The following LDHAL6B variants were observed in gnomAD, a reference collection of about 807,000 sequenced individuals.
LDHAL6B encodes the protein L-lactate dehydrogenase A-like 6B.
For synonymous variants in LDHAL6B, 205 were observed against 170.6 expected (o/e 1.20, Z -1.57); for missense variants, 523 against 473.9 (o/e 1.10, Z -0.96).
chr15:59,207,762 G>T lies in LDHAL6B; in HGVS notation c.822G>T (p.Glu274Asp). ...ATATAGGAACTGATAAAGATCCTGA[G>T]CAATGGAAAAATGTCCACAAAGAAG... is the stretch of plus-strand genomic sequence containing the variant. The part of the protein sequence containing the change: ...NSDIGTDKDP[E>D]QWKNVHKEVT... The change falls in exon 1 of 1, where the codon GAG (glutamate) becomes GAT (aspartate). Residue 274 changes from glutamate (E) to aspartate (D), a missense_variant. Coordinates refer to ENST00000307144, the MANE Select transcript of LDHAL6B (RefSeq NM_033195.3). The T allele has an allele frequency of 1.9e-6, 3 of 1,614,168 alleles. No homozygotes were observed. Among genetic ancestry groups the T allele is most frequent in the Non-Finnish European group, 1.7e-6 (2 of 1,180,044 alleles).
rs752961563 is a variant in LDHAL6B, at chr15:59,206,900, C to G, written c.-41C>G. 2 of 1,580,676 alleles carry G rather than the reference C, an allele frequency of 1.3e-6. No homozygotes were observed. The highest frequency in any genetic ancestry group is 1.3e-5 in the African/African-American group (1 of 74,166). ...GGCGTCTCAACGTTCGGATCAGCAG[C>G]TTTTTTCCATTCTCTCTCTCCACTT... is the stretch of plus-strand genomic sequence containing the variant. On this transcript the variant is annotated 5_prime_UTR_variant, in exon 1 of 1. Coordinates refer to ENST00000307144, the MANE Select transcript of LDHAL6B (RefSeq NM_033195.3).
rs1159837536 is a variant in LDHAL6B at position 59,208,040 on chromosome 15, A to G, written c.1100A>G (p.Lys367Arg). 5.0e-6 allele frequency: 8 copies of G among 1,589,148 alleles called. No individual in the cohort carries two copies. The Admixed American group carries it at 1.5e-4, about 31-fold the overall frequency. The stretch of plus-strand genomic sequence containing the variant: ...CCTGAAGAAGAGGCCCATCTGAAAA[A>G]AAGTGCAAAAACACTCTGGGAAATT... ...LTPEEEAHLK[K>R]SAKTLWEIQN... The change falls in exon 1 of 1, where the codon AAA (lysine) becomes AGA (arginine). Residue 367 changes from lysine to arginine, a missense_variant. Coordinates refer to ENST00000307144, the MANE Select transcript of LDHAL6B (RefSeq NM_033195.3).
rs2079852284 is a variant in LDHAL6B at position 59,208,069 on chromosome 15, A to C, written c.1129A>C (p.Asn377His). 1.9e-6 allele frequency: 3 copies of C among 1,582,250 alleles called. No homozygotes were observed. The highest frequency in any genetic ancestry group is 2.2e-5 in the East Asian group (1 of 44,756). The change falls in exon 1 of 1, where the codon AAT becomes CAT. Residue 377 changes from asparagine (N) to histidine (H), a missense_variant. Coordinates refer to ENST00000307144, the MANE Select transcript of LDHAL6B (RefSeq NM_033195.3). The part of the protein sequence containing the change: ...KSAKTLWEIQ[N>H]KLKL ...TGCAAAAACACTCTGGGAAATTCAG[A>C]ATAAGCTTAAGCTTTAAAGTTGCCT...
Position 59,207,733 on chromosome 15 carries a change from T to G in LDHAL6B, c.793T>G (p.Ser265Ala). Residue 265 changes from serine to alanine, a missense_variant, in exon 1 of 1, where the codon TCT becomes GCT. Transcript: ENST00000307144. The stretch of plus-strand genomic sequence containing the variant: ...TGGTGTCCCTTTGAAGGATCTGAAC[T>G]CTGATATAGGAACTGATAAAGATCC... Reference protein sequence around the residue: ...IAGVPLKDLNSDIGTDKDPEQ... With the variant: ...IAGVPLKDLNADIGTDKDPEQ... 6.2e-7 allele frequency: 1 copy of G among 1,614,122 alleles called. No homozygotes were observed.
chr15:59,207,962 C>T lies in LDHAL6B; in HGVS notation c.1022C>T (p.Pro341Leu), dbSNP rs1243786900. 5.0e-6 allele frequency: 8 copies of T among 1,613,884 alleles called. No individual in the cohort carries two copies. Among genetic ancestry groups the T allele is most frequent in the Non-Finnish European group, 6.8e-6 (8 of 1,179,960 alleles). The change falls in exon 1 of 1, where the codon CCT (proline) becomes CTT (leucine). Residue 341 changes from proline (P) to leucine (L), a missense_variant. Pro to Leu is a moderately conservative substitution (Grantham distance 98). Transcript: ENST00000307144. The stretch of plus-strand genomic sequence containing the variant: ...GATGAAGAAGTATTCCTCAGTATTC[C>T]TTGTATCCTGGGAGAGAACGGTATT... ...GIDEEVFLSI[P>L]CILGENGITN...
chr15:59,207,214 G>T lies in LDHAL6B; in HGVS notation c.274G>T (p.Gly92Cys), dbSNP rs770297477. 2.5e-6 allele frequency: 4 copies of T among 1,614,110 alleles called. No individual in the cohort carries two copies. The African/African-American group carries it at 5.3e-5, about 22-fold the overall frequency. The change falls in exon 1 of 1, where the codon GGC becomes TGC. Residue 92 changes from glycine to cysteine, a missense_variant. Transcript: ENST00000307144. ...MACAISILLK[G>C]LSDELALVDL... The stretch of plus-strand genomic sequence containing the variant: ...CTGCGCTATCAGCATCTTATTAAAA[G>T]GCTTGAGTGATGAACTTGCCCTTGT...
In LDHAL6B at chr15:59,207,555, C is replaced by T. The variant is rs1223210228; in HGVS notation, c.615C>T (p.Asn205=). 3 of 1,614,060 alleles carry T rather than the reference C, an allele frequency of 1.9e-6. No individual in the cohort carries two copies. The highest frequency in any genetic ancestry group is 2.7e-5 in the African/African-American group (2 of 75,026). ...VAWKLSAFPK[N]RIIGSGCNLD... ...GGAAGTTGAGTGCATTTCCCAAAAA[C>T]CGTATTATTGGAAGCGGCTGTAATC... is the stretch of plus-strand genomic sequence containing the variant. The change falls in exon 1 of 1, where the codon AAC becomes AAT. Residue 205 remains asparagine (N), a synonymous_variant. Transcript: ENST00000307144.
chr15:59,206,885 C>A lies in LDHAL6B; in HGVS notation c.-56C>A, dbSNP rs539162667. On this transcript the variant is annotated 5_prime_UTR_variant, in exon 1 of 1. Coordinates refer to ENST00000307144, the MANE Select transcript of LDHAL6B (RefSeq NM_033195.3). ...GCCAACGGCTCTCTTGGCGTCTCAA[C>A]GTTCGGATCAGCAGCTTTTTTCCAT... 19 of 1,540,896 alleles carry A rather than the reference C, an allele frequency of 1.2e-5. No homozygotes were observed. The highest frequency in any genetic ancestry group is 3.8e-5 in the Admixed American group (2 of 52,232).
chr15:59,207,050 C>A lies in LDHAL6B; in HGVS notation c.110C>A (p.Pro37Gln), dbSNP rs764963308. 18 of 1,614,246 alleles carry A rather than the reference C, an allele frequency of 1.1e-5. No homozygotes were observed. The highest frequency in any genetic ancestry group is 1.4e-5 in the Non-Finnish European group (17 of 1,180,032). The change falls in exon 1 of 1, where the codon CCG becomes CAG. Residue 37 changes from proline (P) to glutamine (Q), a missense_variant. By Grantham distance (76) the Pro-to-Gln change is moderately conservative. Transcript: ENST00000307144. ...TGTCCGCGTCAAGCAACGCGCATCCCGCTCAACGGCACCTGGCTCTTCACC... is the reference window on the plus strand; with the variant it reads ...TGTCCGCGTCAAGCAACGCGCATCCAGCTCAACGGCACCTGGCTCTTCACC... Reference protein sequence around the residue: ...ALCPRQATRIPLNGTWLFTPV... With the variant: ...ALCPRQATRIQLNGTWLFTPV...
chr15:59,208,277 C>T lies in LDHAL6B; in HGVS notation c.*191C>T, dbSNP rs1316217814. 3.3e-6 allele frequency: 2 copies of T among 598,960 alleles called. No individual in the cohort carries two copies. Among genetic ancestry groups the T allele is most frequent in the Non-Finnish European group, 5.8e-6 (2 of 347,028 alleles). 37.1% of individuals were successfully genotyped at this position (598,960 alleles called of 1,614,324 possible). Reference sequence around the variant, plus strand: ...TGCTGGACGATACTTATTTACAATTCCTAAGTATTTTTGGTACCTCTGATG... The same window carrying T: ...TGCTGGACGATACTTATTTACAATTTCTAAGTATTTTTGGTACCTCTGATG... On this transcript the variant is annotated 3_prime_UTR_variant, in exon 1 of 1. Coordinates refer to ENST00000307144, the MANE Select transcript of LDHAL6B (RefSeq NM_033195.3).
At position 59,207,111 on chromosome 15, in the gene LDHAL6B, T is replaced by G. The variant is rs762255683; in HGVS notation, c.171T>G (p.Leu57=). The G allele has an allele frequency of 5.6e-6, 9 of 1,614,204 alleles. No individual in the cohort carries two copies. Among genetic ancestry groups the G allele is most frequent in the South Asian group, 1.1e-5 (1 of 91,080 alleles). Residue 57 remains leucine, a synonymous_variant, in exon 1 of 1, where the codon CTT becomes CTG. Transcript: ENST00000307144. The part of the protein sequence containing the change: ...VSKMATVKSE[L]IERFTSEKPV... ...AGATGGCGACTGTGAAGAGTGAGCT[T>G]ATTGAGCGTTTCACTTCCGAGAAGC...
Position 59,207,984 on chromosome 15 carries a change from T to C in LDHAL6B, c.1044T>C (p.Gly348=). The C allele has an allele frequency of 4.3e-6, 7 of 1,614,004 alleles. No homozygotes were observed. The highest frequency in any genetic ancestry group is 5.9e-6 in the Non-Finnish European group (7 of 1,179,986). The part of the protein sequence containing the change: ...LSIPCILGEN[G]ITNLIKIKLT... ...TTCCTTGTATCCTGGGAGAGAACGGTATTACCAACCTTATAAAGATAAAGC... is the reference window on the plus strand; with the variant it reads ...TTCCTTGTATCCTGGGAGAGAACGGCATTACCAACCTTATAAAGATAAAGC... Residue 348 remains glycine, a synonymous_variant, in exon 1 of 1, where the codon GGT becomes GGC. Coordinates refer to ENST00000307144, the MANE Select transcript of LDHAL6B (RefSeq NM_033195.3).
Position 59,207,199 on chromosome 15 carries a change from A to G in LDHAL6B, c.259A>G (p.Ser87Gly). The G allele has an allele frequency of 6.2e-7, 1 of 1,614,238 alleles. No individual in the cohort carries two copies. Among genetic ancestry groups the G allele is most frequent in the Non-Finnish European group, 8.5e-7 (1 of 1,180,042 alleles). Residue 87 changes from serine to glycine, a missense_variant, in exon 1 of 1, where the codon AGC (serine) becomes GGC (glycine). Physicochemically the swap from Ser to Gly is moderately conservative, Grantham distance 56 (BLOSUM62 0). Coordinates refer to ENST00000307144, the MANE Select transcript of LDHAL6B (RefSeq NM_033195.3). ...TGSVGMACAI[S>G]ILLKGLSDEL... Reference sequence around the variant, plus strand: ...ATCGGTGGGCATGGCCTGCGCTATCAGCATCTTATTAAAAGGCTTGAGTGA... The same window carrying G: ...ATCGGTGGGCATGGCCTGCGCTATCGGCATCTTATTAAAAGGCTTGAGTGA...
At position 59,207,695 on chromosome 15, in the gene LDHAL6B, G is replaced by C. The variant is rs769974621; in HGVS notation, c.755G>C (p.Gly252Ala). ...HGDSSVPVWS[G>A]VNIAGVPLKD... ...GACTCAAGTGTTCCTGTGTGGAGTGGAGTGAACATAGCTGGTGTCCCTTTG... is the reference window on the plus strand; with the variant it reads ...GACTCAAGTGTTCCTGTGTGGAGTGCAGTGAACATAGCTGGTGTCCCTTTG... The change falls in exon 1 of 1, where the codon GGA becomes GCA. Residue 252 changes from glycine (G) to alanine (A), a missense_variant. Coordinates refer to ENST00000307144, the MANE Select transcript of LDHAL6B (RefSeq NM_033195.3). 7 of 1,614,060 alleles carry C rather than the reference G, an allele frequency of 4.3e-6. No individual in the cohort carries two copies. The highest frequency in any genetic ancestry group is 5.9e-6 in the Non-Finnish European group (7 of 1,180,028).
rs754378784 is a variant in LDHAL6B at position 59,207,403 on chromosome 15, C to G, written c.463C>G (p.Arg155Gly). Residue 155 changes from arginine to glycine, a missense_variant, in exon 1 of 1, where the codon CGC becomes GGC. Arg to Gly is a moderately radical substitution (Grantham distance 125). Coordinates refer to ENST00000307144, the MANE Select transcript of LDHAL6B (RefSeq NM_033195.3). The part of the protein sequence containing the change: ...AGARQEKGET[R>G]LNLVQRNVAI... ...TGCACGCCAAGAAAAGGGAGAAACGCGCCTTAATTTAGTCCAGCGAAATGT... is the reference window on the plus strand; with the variant it reads ...TGCACGCCAAGAAAAGGGAGAAACGGGCCTTAATTTAGTCCAGCGAAATGT... The G allele has an allele frequency of 1.9e-6, 3 of 1,614,012 alleles. No homozygotes were observed. The highest frequency in any genetic ancestry group is 1.7e-5 in the Admixed American group (1 of 60,018).
Position 59,208,260 on chromosome 15 carries a change from G to A in LDHAL6B, c.*174G>A, listed in dbSNP as rs111978924. 12 of 621,074 alleles carry A rather than the reference G, an allele frequency of 1.9e-5. No individual in the cohort carries two copies. The highest frequency in any genetic ancestry group is 3.7e-5 in the African/African-American group (2 of 53,580). The allele number at this position is 621,074 out of a possible 1,614,324, so 38.5% of individuals were successfully genotyped here. ...TTTATTGAGCATCCACGTGCTGGAC[G>A]ATACTTATTTACAATTCCTAAGTAT... is the stretch of plus-strand genomic sequence containing the variant. On this transcript the variant is annotated 3_prime_UTR_variant, in exon 1 of 1. Transcript: ENST00000307144.
chr15:59,207,781 A>C lies in LDHAL6B; in HGVS notation c.841A>C (p.Lys281Gln), dbSNP rs1451624803. 9.9e-6 allele frequency: 16 copies of C among 1,614,248 alleles called. No individual in the cohort carries two copies. Among genetic ancestry groups the C allele is most frequent in the Non-Finnish European group, 1.2e-5 (14 of 1,180,042 alleles). ...KDPEQWKNVH[K>Q]EVTATAYEII... is the part of the protein sequence containing the mutation. ...TCCTGAGCAATGGAAAAATGTCCAC[A>C]AAGAAGTGACTGCAACTGCCTATGA... The change falls in exon 1 of 1, where the codon AAA (lysine) becomes CAA (glutamine). Residue 281 changes from lysine (K) to glutamine (Q), a missense_variant. Lys to Gln is a moderately conservative substitution (Grantham distance 53). Transcript: ENST00000307144.
rs778599098 is a variant in LDHAL6B, at chr15:59,207,013, G to A, written c.73G>A (p.Gly25Arg). The change falls in exon 1 of 1, where the codon GGG becomes AGG. Residue 25 changes from glycine (G) to arginine (R), a missense_variant. Physicochemically the swap from Gly to Arg is moderately radical, Grantham distance 125. Transcript: ENST00000307144. ...GGTGGGAGCGAATTTCCTATGCCTG[G>A]GGATGGCCCTGTGTCCGCGTCAAGC... ...SSVGANFLCL[G>R]MALCPRQATR... The A allele has an allele frequency of 6.2e-7, 1 of 1,614,202 alleles. No homozygotes were observed. Among genetic ancestry groups the A allele is most frequent in the East Asian group, 2.2e-5 (1 of 44,882 alleles).
chr15:59,207,155 T>A lies in LDHAL6B; in HGVS notation c.215T>A (p.Val72Asp). 6.2e-7 allele frequency: 1 copy of A among 1,614,156 alleles called. No homozygotes were observed. Among genetic ancestry groups the A allele is most frequent in the Non-Finnish European group, 8.5e-7 (1 of 1,180,008 alleles). Residue 72 changes from valine to aspartate, a missense_variant, in exon 1 of 1, where the codon GTC (valine) becomes GAC (aspartate). Val to Asp is a radical substitution (Grantham distance 152, BLOSUM62 -3). Transcript: ENST00000307144. ...TSEKPVHHSK[V>D]SIIGTGSVGM... ...GAGAAGCCCGTTCATCACAGTAAGGTCTCCATCATAGGAACTGGATCGGTG... is the reference window on the plus strand; with the variant it reads ...GAGAAGCCCGTTCATCACAGTAAGGACTCCATCATAGGAACTGGATCGGTG...
Sources: allele counts gnomAD v4.1 joint callset, GRCh38; gene constraint gnomAD v4.1.1; transcripts MANE v1.5; gene names NCBI Gene and HGNC (gene_info 2026-07-23, HGNC 2026-07-21).